SLC35F5: variants seen among roughly 807,000 people sequenced by gnomAD.
The protein encoded by SLC35F5 is HCV NS5A-transactivated protein 3.
Under a neutral mutation model 68.6 loss-of-function variants are expected in SLC35F5, and 54 were observed. That is an observed-to-expected ratio of 0.79 (90% confidence interval 0.63 to 0.99). The LOEUF (loss-of-function observed/expected upper bound fraction) is 0.99, where lower values mean the gene tolerates loss of function less well. SLC35F5 is among the 50% of genes least tolerant of loss of function. The pLI, the probability that SLC35F5 is intolerant of heterozygous loss-of-function variation, is 0.00. For synonymous variants in SLC35F5, 211 were observed against 205.2 expected, an observed-to-expected ratio of 1.03 and a Z score of -0.24; for missense variants, 567 against 626.9, an observed-to-expected ratio of 0.90 and a Z score of 1.02.
At chr2:113,718,804 AAAAAGAAGAAAGAGAAG>A (rs1687275295) in intron 14 of SLC35F5, among the ~76,000 whole-genome samples, 1 of 151,910 alleles carries the variant, frequency 6.6e-6, no homozygotes. Context: ...AGAAAGAGAA[AAAAAGAAGAAAGAGAAG>A]AAAGAAAGAG....
chr2:113,735,920 A>T, intron 7 of SLC35F5, 62 bp from the exon 8 acceptor site: 1 of 1,026,506 alleles, frequency 9.7e-7, no homozygotes, highest in Non-Finnish European at 1.5e-6. Flanking sequence ...TGTCATTACA[A>T]TTCAGAATTC....
rs914209288 is a variant in SLC35F5, at chr2:113,707,168, T to C, written c.*8050A>G. On this transcript the variant is annotated 3_prime_UTR_variant, in exon 16 of 16. Coordinates refer to ENST00000245680, the MANE Select transcript of SLC35F5 (RefSeq NM_025181.5). ...CAAGAAAAACATTTCTAAAACATTG[T>C]TTCCATAACTCATTATAAATATTTC... Among the ~76,000 whole-genome samples, 9 of 144,916 alleles carry C rather than the reference T, an allele frequency of 6.2e-5. No homozygotes were observed. Among genetic ancestry groups the C allele is most frequent in the African/African-American group, 2.2e-4 (9 of 40,290 alleles).
chr2:113,726,429 A>G (rs1687666296), intron 11 of SLC35F5, among the ~76,000 whole-genome samples: 1 of 152,336 alleles, frequency 6.6e-6, no homozygotes, highest in South Asian at 2.1e-4. Flanking sequence ...ATTTTGTTGT[A>G]CTTCCTATAC....
Position 113,714,538 on chromosome 2 carries a change from C to T in SLC35F5, c.*680G>A, listed in dbSNP as rs1458064462. On this transcript the variant is annotated 3_prime_UTR_variant, in exon 16 of 16. Coordinates refer to ENST00000245680, the MANE Select transcript of SLC35F5 (RefSeq NM_025181.5). ...CATATTTCTTCATTTTATAATAATA[C>T]TTCCCCTTTAAAAATTTGCCATGGT... 1 of 152,046 alleles carries T rather than the reference C, an allele frequency of 6.6e-6. No homozygotes were observed. The highest frequency in any genetic ancestry group is 1.5e-5 in the Non-Finnish European group (1 of 67,938). The allele number at this position is 152,046 out of a possible 1,614,324, so 9.4% of individuals were successfully genotyped here. A position where few individuals can be genotyped will look rare whatever the true frequency, so the allele number is the denominator to read the frequency against.
chr2:113,743,016 A>G, intron 6 of SLC35F5, 137 bp from the exon 7 acceptor site: 1 of 756,964 alleles, frequency 1.3e-6, no homozygotes, highest in South Asian at 2.0e-5. Context: ...AAAGAGGTAT[A>G]TCATTACCTG....
At chr2:113,731,545 A>G (rs2104437827) in intron 10 of SLC35F5, 39 bp downstream of exon 10, 1 of 1,537,326 alleles carries the variant, frequency 6.5e-7, no homozygotes, top group Non-Finnish European at 9.0e-7. Context: ...TAACTTTCTT[A>G]TTTACTCTAA....
downstream of SLC35F5, among the ~76,000 whole-genome samples, chr2:113,706,126 A>C (rs1281698907): frequency 6.6e-6 from 1 of 152,134 alleles, no homozygotes. Context: ...TCCCCAGTGC[A>C]AATGTGCCAA....
Position 113,756,587 on chromosome 2 carries a change from G to A in SLC35F5, c.-178C>T. On this transcript the variant is annotated 5_prime_UTR_variant, in exon 1 of 16. Transcript: ENST00000245680. ...TCCACTCGGCCCAGGAGGGCGTGGAGCGGGTGAGGGGAAGGGACGGCACAG... is the reference window on the plus strand; with the variant it reads ...TCCACTCGGCCCAGGAGGGCGTGGAACGGGTGAGGGGAAGGGACGGCACAG... 1 of 1,422,788 alleles carries A rather than the reference G, an allele frequency of 7.0e-7. No individual in the cohort carries two copies. The highest frequency in any genetic ancestry group is 2.7e-5 in the Admixed American group (1 of 36,650). The allele number at this position is 1,422,788 out of a possible 1,614,324, so 88.1% of individuals were successfully genotyped here.
chr2:113,743,904 C>A, intron 5 of SLC35F5, 110 bp from the exon 6 acceptor site: 2 of 796,658 alleles, frequency 2.5e-6, no homozygotes, highest in Admixed American at 2.8e-5. Flanking sequence ...CGTGGTTGTT[C>A]ACCACCAAGT....
At chr2:113,740,941 T>C (rs1248505818) in intron 7 of SLC35F5, among the ~76,000 whole-genome samples, 2 of 151,936 alleles carry the variant, frequency 1.3e-5, no homozygotes, top group African/African-American at 4.8e-5. Context: ...TTTCATCTTA[T>C]AAAACTGAAA....
chr2:113,753,162 G>GTTTTTTTTTTTTTTTTTTTTTTTTTT lies in SLC35F5; in HGVS notation c.273+2002_273+2003insAAAAAAAAAAAAAAAAAAAAAAAAAA, dbSNP rs143010470. On this transcript the variant is annotated intron_variant, in intron 3 of 15. Transcript: ENST00000245680. The stretch of plus-strand genomic sequence containing the variant: ...AATACACACTTTATCTCCAAAGTTT[G>GTTTTTTTTTTTTTTTTTTTTTTTTTT]TTTTTCTTTTTTTTTTTTTTTTTTT... Among the ~76,000 whole-genome samples, 29 of 50,534 alleles carry GTTTTTTTTTTTTTTTTTTTTTTTTTT rather than the reference G, an allele frequency of 5.7e-4. 2 individuals carry two copies. The highest frequency in any genetic ancestry group is 8.8e-4 in the Non-Finnish European group (22 of 25,004). 33.2% of individuals were successfully genotyped at this position (50,534 alleles called of 152,430 possible). A position where few individuals can be genotyped will look rare whatever the true frequency, so the allele number is the denominator to read the frequency against.
intron 11 of SLC35F5, 21 bp from the exon 12 acceptor site, chr2:113,725,558 C>T (rs779163796): frequency 1.1e-5 from 17 of 1,547,640 alleles, no homozygotes; most frequent in Non-Finnish European, 1.4e-5. Flanking sequence ...ATAAAAGAGA[C>T]AAGAGTTAAA....
chr2:113,733,122 AAC>A (rs1444790519), intron 9 of SLC35F5, among the ~76,000 whole-genome samples: 1 of 152,200 alleles, frequency 6.6e-6, no homozygotes, highest in African/African-American at 2.4e-5. Context: ...ATTTCTAAGT[AAC>A]ACTTTTTTTT....
chr2:113,723,387 C>CTTATATATACTTATATATTT (rs1687532014), intron 12 of SLC35F5, among the ~76,000 whole-genome samples, 193 bp from the exon 13 acceptor site: 1 of 151,880 alleles, frequency 6.6e-6, no homozygotes, highest in African/African-American at 2.4e-5. Context: ...ATTAAAAATA[C>CTTATATATACTTATATATTT]AAATATATAA....
chr2:113,723,061 T>C, intron 13 of SLC35F5, 43 bp downstream of exon 13: 4 of 1,345,882 alleles, frequency 3.0e-6, no homozygotes, highest in Non-Finnish European at 4.0e-6. Context: ...TTTGTTTTAA[T>C]AACACACCTA....
In SLC35F5 at chr2:113,735,797, T is replaced by A; in HGVS notation, c.812A>T (p.Asn271Ile). 1 of 1,605,014 alleles carries A rather than the reference T, an allele frequency of 6.2e-7. No individual in the cohort carries two copies. The highest frequency in any genetic ancestry group is 1.1e-5 in the South Asian group (1 of 88,576). The part of the protein sequence containing the change: ...ALSDTQVAIV[N>I]ILSSTSGLFT... ...CTTACCGGAAGTTGAAGATAAAATA[T>A]TAACTATAGCAACTTGTGTGTCTGA... The change falls in exon 8 of 16, where the codon AAT becomes ATT. Residue 271 changes from asparagine to isoleucine, a missense_variant. By Grantham distance (149) the Asn-to-Ile change is moderately radical. Coordinates refer to ENST00000245680, the MANE Select transcript of SLC35F5 (RefSeq NM_025181.5).
Position 113,755,270 on chromosome 2 carries a change from C to A in SLC35F5, c.168G>T (p.Met56Ile). 6.2e-7 allele frequency: 1 copy of A among 1,614,140 alleles called. No individual in the cohort carries two copies. Among genetic ancestry groups the A allele is most frequent in the South Asian group, 1.1e-5 (1 of 91,072 alleles). Reference protein sequence around the residue: ...QMVCVFVMNRMNSQNSGFTQR... With the variant: ...QMVCVFVMNRINSQNSGFTQR... ...GAGTGAAACCACTGTTCTGGGAATT[C>A]ATTCGGTTCATGACAAATACACACA... Residue 56 changes from methionine to isoleucine, a missense_variant, in exon 3 of 16, where the codon ATG becomes ATT. By Grantham distance (10) the Met-to-Ile change is conservative. Transcript: ENST00000245680.
rs1687008630 is a variant in SLC35F5, at chr2:113,712,156, CA to C, written c.*3061del. Among the ~76,000 whole-genome samples, 1 of 152,128 alleles carries C rather than the reference CA, an allele frequency of 6.6e-6. No individual in the cohort carries two copies. The highest frequency in any genetic ancestry group is 2.4e-5 in the African/African-American group (1 of 41,426). On this transcript the variant is annotated 3_prime_UTR_variant, in exon 16 of 16. Coordinates refer to ENST00000245680, the MANE Select transcript of SLC35F5 (RefSeq NM_025181.5). ...AACAATGAACTTATTTGTCAGCTGC[CA>C]GGGGGAAAATCAGCTTAATGTAAAG...
At chr2:113,728,117 A>G (rs531799128) in intron 11 of SLC35F5, among the ~76,000 whole-genome samples, 2 of 152,260 alleles carry the variant, frequency 1.3e-5, no homozygotes, top group South Asian at 4.1e-4. Context: ...TCAGCCTCTC[A>G]TGCAGCTGGG....
Sources: allele counts gnomAD v4.1 joint callset (sites outside exome capture counted in the v4.1 genomes callset), GRCh38; gene constraint gnomAD v4.1.1; transcripts MANE v1.5; gene names NCBI Gene and HGNC (gene_info 2026-07-23, HGNC 2026-07-21).